LRRFIP2: variants seen among roughly 807,000 people sequenced by gnomAD.
LRRFIP2 encodes the protein LRR binding FLII interacting protein 2.
LRRFIP2 carries 109 observed loss-of-function variants against 125.9 expected under a neutral mutation model. The ratio of observed to expected loss-of-function variants is 0.87; its 90% CI spans 0.74 to 1.01. The LOEUF (loss-of-function observed/expected upper bound fraction) is 1.01, where lower values mean the gene tolerates loss of function less well. LRRFIP2 is among the 50% of genes least tolerant of loss of function. The pLI is 0.00. For missense variants in LRRFIP2, 850 were observed against 862.3 expected (o/e 0.99, Z 0.18); for synonymous variants, 291 against 293.1 (o/e 0.99, Z 0.07).
At chr3:37,157,101 C>G (rs1291038235) in intron 1 of LRRFIP2, among the ~76,000 whole-genome samples, 1 of 152,080 alleles carries the variant, frequency 6.6e-6, no homozygotes, top group Non-Finnish European at 1.5e-5. Context: ...TGGACTCCAG[C>G]CTGGGCAACA....
chr3:37,158,475 C>T (rs1456645075), intron 1 of LRRFIP2, among the ~76,000 whole-genome samples: 2 of 151,906 alleles, frequency 1.3e-5, no homozygotes, highest in African/African-American at 4.8e-5. Context: ...GGCATGGTGG[C>T]ACATGCCTGT....
intron 1 of LRRFIP2, among the ~76,000 whole-genome samples, chr3:37,167,664 A>G (rs948317837): frequency 2.0e-5 from 3 of 150,618 alleles, no homozygotes; most frequent in South Asian, 2.1e-4. Context: ...AAAAAAAAAA[A>G]AAAGAAAGAA....
chr3:37,082,609 G>A (rs923592099), intron 19 of LRRFIP2, among the ~76,000 whole-genome samples: 3 of 152,114 alleles, frequency 2.0e-5, no homozygotes, highest in African/African-American at 7.2e-5. Context: ...ATCCATACAT[G>A]TATCCATAAT....
Position 37,129,112 on chromosome 3 carries a change from G to T in LRRFIP2, c.128C>A (p.Ala43Glu). The T allele has an allele frequency of 6.2e-7, 1 of 1,613,946 alleles. No homozygotes were observed. The highest frequency in any genetic ancestry group is 8.5e-7 in the Non-Finnish European group (1 of 1,179,994). Residue 43 changes from alanine (A) to glutamate (E), a missense_variant, in exon 3 of 28, where the codon GCA becomes GAA. Coordinates refer to ENST00000336686, the MANE Select transcript of LRRFIP2 (RefSeq NM_006309.4). ...ARLAAKRAAR[A>E]EARDIRMREL... Reference sequence around the variant, plus strand: ...TCTCATGCGTATATCTCTTGCTTCTGCCCGGGCAGCCCGTTTTGCTGCCAG... The same window carrying T: ...TCTCATGCGTATATCTCTTGCTTCTTCCCGGGCAGCCCGTTTTGCTGCCAG...
At chr3:37,128,389 T>C (rs1264025314) in intron 3 of LRRFIP2, among the ~76,000 whole-genome samples, 1 of 152,188 alleles carries the variant, frequency 6.6e-6, no homozygotes, top group Non-Finnish European at 1.5e-5. Flanking sequence ...TATTTCATTT[T>C]AATCAGCCCA....
At chr3:37,143,674 G>GCTGT in intron 2 of LRRFIP2, 1 of 167,924 alleles carries the variant, frequency 6.0e-6, no homozygotes, top group South Asian at 1.5e-4. Context: ...CCCAGCCAGT[G>GCTGT]CTGTCAATCG....
At chr3:37,128,941 C>T (rs2095356137) in intron 3 of LRRFIP2, 122 bp downstream of exon 3, 1 of 858,170 alleles carries the variant, frequency 1.2e-6, no homozygotes. Flanking sequence ...TGATAAAATA[C>T]ATACATCAGT....
chr3:37,107,307 T>C (rs1463572071), intron 13 of LRRFIP2, among the ~76,000 whole-genome samples: 1 of 152,096 alleles, frequency 6.6e-6, no homozygotes, highest in Non-Finnish European at 1.5e-5. Context: ...GTGGAAAAAC[T>C]AAGGGACACA....
intron 13 of LRRFIP2, 49 bp downstream of exon 13, chr3:37,108,024 C>T (rs769438824): frequency 1.1e-5 from 16 of 1,484,078 alleles, no homozygotes; most frequent in South Asian, 3.4e-5. Flanking sequence ...TACAGATTAA[C>T]GCAACAATCA....
chr3:37,075,740 A>G (rs1166741303), intron 19 of LRRFIP2, among the ~76,000 whole-genome samples: 3 of 152,162 alleles, frequency 2.0e-5, no homozygotes, highest in Non-Finnish European at 4.4e-5. Context: ...AAGAAAAAGT[A>G]GCCAGAAAAA....
chr3:37,149,026 T>A lies in LRRFIP2; in HGVS notation c.-43A>T. On this transcript the variant is annotated 5_prime_UTR_variant, in exon 2 of 28. Transcript: ENST00000336686. The stretch of plus-strand genomic sequence containing the variant: ...CTTTTAACTTTGAAAGTGATTTAAC[T>A]GTGTTTTCAGCCCTGAAGTAAACAA... 6.2e-7 allele frequency: 1 copy of A among 1,610,894 alleles called. No homozygotes were observed. The highest frequency in any genetic ancestry group is 8.5e-7 in the Non-Finnish European group (1 of 1,178,738).
chr3:37,079,029 G>A (rs2092390641), intron 19 of LRRFIP2, among the ~76,000 whole-genome samples: 1 of 151,924 alleles, frequency 6.6e-6, no homozygotes, highest in South Asian at 2.1e-4. Flanking sequence ...CTCATAAAGG[G>A]AGAAAATATT....
intron 16 of LRRFIP2, among the ~76,000 whole-genome samples, chr3:37,095,645 A>AT (rs1016362614): frequency 4.0e-5 from 6 of 151,618 alleles, no homozygotes; most frequent in Admixed American, 1.3e-4. Context: ...TATTTTTATT[A>AT]TTTTTTTTGA....
Position 37,058,863 on chromosome 3 carries a change from G to A in LRRFIP2, c.1797C>T (p.Ser599=), listed in dbSNP as rs1407573994. The A allele has an allele frequency of 1.9e-6, 3 of 1,613,730 alleles. No individual in the cohort carries two copies. Among genetic ancestry groups the A allele is most frequent in the Non-Finnish European group, 2.5e-6 (3 of 1,179,932 alleles). Reference sequence around the variant, plus strand: ...GGTCACCCACTGTGCCATCATTCCTGGAGCATTTCTGTCGTTCCTCCTCTA... The same window carrying A: ...GGTCACCCACTGTGCCATCATTCCTAGAGCATTTCTGTCGTTCCTCCTCTA... The part of the protein sequence containing the change: ...LQLEEERQKC[S]RNDGTVGDLA... The change falls in exon 25 of 28, where the codon TCC becomes TCT. Residue 599 remains serine, a synonymous_variant. Coordinates refer to ENST00000336686, the MANE Select transcript of LRRFIP2 (RefSeq NM_006309.4).
chr3:37,052,847 C>A lies in LRRFIP2; in HGVS notation c.*1004G>T, dbSNP rs1049340143. On this transcript the variant is annotated 3_prime_UTR_variant, in exon 28 of 28. Transcript: ENST00000336686. ...GTTGCACTCCATGATTTTAAAAAAA[C>A]CTCTTGGACAGGGTACCTCTAAAGG... 24 of 152,252 alleles carry A rather than the reference C, an allele frequency of 1.6e-4. No individual in the cohort carries two copies. The highest frequency in any genetic ancestry group is 5.1e-4 in the African/African-American group (21 of 41,544). 9.4% of individuals were successfully genotyped at this position (152,252 alleles called of 1,614,324 possible).
intron 17 of LRRFIP2, among the ~76,000 whole-genome samples, chr3:37,092,981 G>T (rs1311644044): frequency 6.6e-6 from 1 of 152,130 alleles, no homozygotes; most frequent in African/African-American, 2.4e-5. Flanking sequence ...TGTGATTACA[G>T]GTGGCTACCA....
chr3:37,094,031 G>A (rs1177574097), intron 17 of LRRFIP2, among the ~76,000 whole-genome samples: 2 of 152,038 alleles, frequency 1.3e-5, no homozygotes, highest in African/African-American at 4.8e-5. Context: ...TACCTTAACA[G>A]CCCCATTCTT....
chr3:37,153,518 T>C (rs2096089162), intron 1 of LRRFIP2, among the ~76,000 whole-genome samples: 1 of 152,222 alleles, frequency 6.6e-6, no homozygotes, highest in Admixed American at 6.5e-5. Context: ...CCACTTCTGG[T>C]AGCATTCTTT....
rs552418758 is a variant in LRRFIP2, at chr3:37,130,667, T to A, written c.91-1518A>T. Among the ~76,000 whole-genome samples the A allele has an allele frequency of 1.3e-3, 191 of 152,342 alleles. 1 individual carries two copies. The highest frequency in any genetic ancestry group is 4.3e-3 in the Admixed American group (66 of 15,294). On this transcript the variant is annotated intron_variant, in intron 2 of 27. Coordinates refer to ENST00000336686, the MANE Select transcript of LRRFIP2 (RefSeq NM_006309.4). ...ATCTCTCAGGACGTCAATCATCCCT[T>A]TGTCGAGTATATCCATCCTGTCTAT... is the stretch of plus-strand genomic sequence containing the variant.
Sources: allele counts gnomAD v4.1 joint callset (sites outside exome capture counted in the v4.1 genomes callset), GRCh38; gene constraint gnomAD v4.1.1; transcripts MANE v1.5; gene names NCBI Gene and HGNC (gene_info 2026-07-23, HGNC 2026-07-21).